ESRP1: variants seen among roughly 807,000 people sequenced by gnomAD.
ESRP1 encodes epithelial splicing regulatory protein 1.
ESRP1 carries 33 observed loss-of-function variants against 81.7 expected under a neutral mutation model. That is an observed-to-expected ratio of 0.40 (90% CI 0.31 to 0.54). ESRP1 has a LOEUF of 0.54. Ranked by LOEUF, ESRP1 falls within the 20% of genes least tolerant of loss-of-function variation. ESRP1 has a pLI of 0.41. For missense variants in ESRP1, 672 were observed against 833.1 expected (o/e 0.81, Z 2.38); for synonymous variants, 320 against 303.3 (o/e 1.06, Z -0.57).
intron 4 of ESRP1, among the ~76,000 whole-genome samples, chr8:94,646,888 T>C (rs1485494118): frequency 6.6e-6 from 1 of 152,230 alleles, no homozygotes; most frequent in Non-Finnish European, 1.5e-5. Flanking sequence ...AAATCTATAA[T>C]CATGAATGAC....
chr8:94,705,759 C>T, intron 15 of ESRP1, 166 bp from the exon 16 acceptor site: 3 of 627,328 alleles, frequency 4.8e-6, no homozygotes, highest in Non-Finnish European at 8.1e-6. Flanking sequence ...AAGCCCTTGC[C>T]ATGTAAATGC....
At position 94,643,445 on chromosome 8, in the gene ESRP1, T is replaced by A. The variant is rs760996582; in HGVS notation, c.375+29T>A. 3.4e-5 allele frequency: 52 copies of A among 1,510,340 alleles called. No homozygotes were observed. The Middle Eastern group carries it at 6.8e-4, about 20-fold the overall frequency. 93.6% of individuals were successfully genotyped at this position (1,510,340 alleles called of 1,614,324 possible). On this transcript the variant is annotated intron_variant, in intron 3 of 15. Transcript: ENST00000433389. The stretch of plus-strand genomic sequence containing the variant: ...AGAGTGCTGGCTTCTGGGAAAAAAA[T>A]GGTTGGAGCTTTGGGGTGACTGGAG...
intron 13 of ESRP1, among the ~76,000 whole-genome samples, chr8:94,687,811 A>G (rs1809202462): frequency 6.6e-6 from 1 of 152,094 alleles, no homozygotes; most frequent in East Asian, 1.9e-4. Context: ...TAAATATGAG[A>G]TCTTATAAGA....
chr8:94,694,518 C>T (rs1377514144), intron 14 of ESRP1, among the ~76,000 whole-genome samples: 2 of 152,166 alleles, frequency 1.3e-5, no homozygotes, highest in Non-Finnish European at 2.9e-5. Context: ...GCAGGAGAAT[C>T]GCTTCAACCC....
rs900942772 is a variant in ESRP1, at chr8:94,706,526, C to G, written c.*637C>G. On this transcript the variant is annotated 3_prime_UTR_variant, in exon 16 of 16. Transcript: ENST00000433389. ...GATAAATTAGAAGAAATTGTGCACCCTCCACAAAACATACAAAGTTTAAAA... is the reference window on the plus strand; with the variant it reads ...GATAAATTAGAAGAAATTGTGCACCGTCCACAAAACATACAAAGTTTAAAA... The G allele has an allele frequency of 6.6e-6, 1 of 152,596 alleles. No homozygotes were observed. The highest frequency in any genetic ancestry group is 1.5e-5 in the Non-Finnish European group (1 of 68,070). 9.5% of individuals were successfully genotyped at this position (152,596 alleles called of 1,614,324 possible). A position where few individuals can be genotyped will look rare whatever the true frequency, so the allele number is the denominator to read the frequency against.
At chr8:94,655,472 T>A (rs1465808374) in intron 4 of ESRP1, among the ~76,000 whole-genome samples, 1 of 152,096 alleles carries the variant, frequency 6.6e-6, no homozygotes, top group Non-Finnish European at 1.5e-5. Context: ...CCCCGCATTT[T>A]ATTGCTGGTG....
At chr8:94,668,432 C>CAA in intron 10 of ESRP1, 182 bp downstream of exon 10, 1 of 509,256 alleles carries the variant, frequency 2.0e-6, no homozygotes. Flanking sequence ...TACACACACA[C>CAA]AACACATACT....
intron 4 of ESRP1, among the ~76,000 whole-genome samples, chr8:94,659,412 C>T (rs974488312): frequency 6.6e-6 from 1 of 152,102 alleles, no homozygotes; most frequent in African/African-American, 2.4e-5. Context: ...CTTAATTGGT[C>T]AGTGTTGTGT....
intron 4 of ESRP1, among the ~76,000 whole-genome samples, chr8:94,661,986 A>G (rs1328135134): frequency 6.6e-6 from 1 of 152,216 alleles, no homozygotes; most frequent in Non-Finnish European, 1.5e-5. Context: ...GCATACTTTG[A>G]TTCAAAATGA....
chr8:94,668,109 C>T lies in ESRP1; in HGVS notation c.1092C>T (p.Tyr364=). 2 of 1,614,018 alleles carry T rather than the reference C, an allele frequency of 1.2e-6. No individual in the cohort carries two copies. Among genetic ancestry groups the T allele is most frequent in the Non-Finnish European group, 1.7e-6 (2 of 1,179,888 alleles). ...GGKEGILFVT[Y]PDGRPTGDAF... is the part of the protein sequence containing the mutation. ...AGGAAGGCATCCTCTTTGTCACCTA[C>T]CCAGATGGTAGGCCAACAGGGGACG... is the stretch of plus-strand genomic sequence containing the variant. Residue 364 remains tyrosine (Y), a synonymous_variant, in exon 10 of 16, where the codon TAC becomes TAT. Coordinates refer to ENST00000433389, the MANE Select transcript of ESRP1 (RefSeq NM_017697.4).
intron 4 of ESRP1, among the ~76,000 whole-genome samples, chr8:94,648,786 A>G (rs1817966459): frequency 6.6e-6 from 1 of 152,232 alleles, no homozygotes; most frequent in Non-Finnish European, 1.5e-5. Flanking sequence ...TTGTCGTGAA[A>G]TACTTGTATC....
chr8:94,673,877 C>T (rs1207407590), intron 11 of ESRP1, among the ~76,000 whole-genome samples: 3 of 152,092 alleles, frequency 2.0e-5, no homozygotes, highest in East Asian at 1.9e-4. Flanking sequence ...AAAAGAATAC[C>T]GGTTCAGTTT....
At chr8:94,655,602 T>C (rs1050908849) in intron 4 of ESRP1, among the ~76,000 whole-genome samples, 7 of 152,026 alleles carry the variant, frequency 4.6e-5, no homozygotes, top group African/African-American at 1.4e-4. Context: ...TTTAAAATTA[T>C]GCAACCAAAC....
At position 94,668,178 on chromosome 8, in the gene ESRP1, G is replaced by T; in HGVS notation, c.1161G>T (p.Leu387Phe). The stretch of plus-strand genomic sequence containing the variant: ...GTGAGGAATATGCACAGAATGCGTT[G>T]AGGAAGCATAAAGACTTGTTGGGTA... ...FACEEYAQNALRKHKDLLGKR... is the reference protein window; with the variant it reads ...FACEEYAQNAFRKHKDLLGKR... The change falls in exon 10 of 16, where the codon TTG becomes TTT. Residue 387 changes from leucine to phenylalanine, a missense_variant. Leu to Phe is a conservative substitution (Grantham distance 22). Coordinates refer to ENST00000433389, the MANE Select transcript of ESRP1 (RefSeq NM_017697.4). The T allele has an allele frequency of 6.2e-7, 1 of 1,613,940 alleles. No individual in the cohort carries two copies. Among genetic ancestry groups the T allele is most frequent in the Non-Finnish European group, 8.5e-7 (1 of 1,179,850 alleles).
chr8:94,693,157 G>T (rs1044092615), intron 14 of ESRP1, among the ~76,000 whole-genome samples: 9 of 152,136 alleles, frequency 5.9e-5, no homozygotes, highest in Non-Finnish European at 8.8e-5. Flanking sequence ...TTGGCTAAGG[G>T]GTTTTATTCA....
chr8:94,651,316 G>A (rs1259130267), intron 4 of ESRP1, among the ~76,000 whole-genome samples: 1 of 135,836 alleles, frequency 7.4e-6, no homozygotes, highest in East Asian at 2.2e-4. Flanking sequence ...TAATGCTATC[G>A]TGGCTCACTG....
intron 12 of ESRP1, among the ~76,000 whole-genome samples, 177 bp downstream of exon 12, chr8:94,674,683 C>T (rs1403466286): frequency 6.6e-6 from 1 of 152,126 alleles, no homozygotes; most frequent in Non-Finnish European, 1.5e-5. Context: ...GTTGTGGACA[C>T]CCATAATTAG....
At chr8:94,705,511 T>A (rs1418994558) in intron 15 of ESRP1, 2 of 154,492 alleles carry the variant, frequency 1.3e-5, no homozygotes, top group African/African-American at 4.8e-5. Context: ...ATTTGGAATT[T>A]CTTATACTAG....
At chr8:94,685,051 A>G (rs12545296) in intron 13 of ESRP1, among the ~76,000 whole-genome samples, 47,172 of 151,562 alleles carry the variant, frequency 0.31, 8,773 homozygotes, top group East Asian at 0.56. Flanking sequence ...ATATATCTAT[A>G]TATGGCAAAT....
Sources: gnomAD v4.1 joint callset for allele counts (sites outside exome capture counted in the v4.1 genomes callset) on GRCh38, gnomAD v4.1.1 for gene constraint, MANE v1.5 for transcripts, NCBI Gene and HGNC (gene_info 2026-07-23, HGNC 2026-07-21) for gene names.